Variants in CTNND2 observed in about 807,000 individuals in gnomAD.
CTNND2 encodes the protein catenin delta 2.
CTNND2 carries 22 observed loss-of-function variants against 144.4 expected under a neutral mutation model. The ratio of observed to expected loss-of-function variants is 0.15; its 90% CI spans 0.11 to 0.22. The LOEUF is 0.22. Among genes scored for constraint, CTNND2 ranks in the 10% least tolerant of loss-of-function variants. The pLI, the probability that CTNND2 is intolerant of heterozygous loss-of-function variation, is 1.00. For missense variants in CTNND2, 1,353 were observed against 1,618.8 expected (o/e 0.84, Z 2.82); for synonymous variants, 751 against 695.6 (o/e 1.08, Z -1.25).
chr5:11,676,113 G>A (rs974423712), intron 2 of CTNND2, among the ~76,000 whole-genome samples: 15 of 151,726 alleles, frequency 9.9e-5, no homozygotes, highest in Non-Finnish European at 1.6e-4. Flanking sequence ...TCTGGCAGGT[G>A]TCCCTACACA....
intron 2 of CTNND2, among the ~76,000 whole-genome samples, chr5:11,595,354 T>A (rs534999345): frequency 1.3e-5 from 2 of 152,266 alleles, no homozygotes; most frequent in Middle Eastern, 3.4e-3. Flanking sequence ...AATAGAACCA[T>A]TGGTACTAAG....
chr5:11,152,036 T>C (rs1757795176), intron 12 of CTNND2, among the ~76,000 whole-genome samples: 1 of 152,082 alleles, frequency 6.6e-6, no homozygotes, highest in Non-Finnish European at 1.5e-5. Flanking sequence ...GGCTACAAGA[T>C]AGAAACTTTA....
At chr5:11,782,901 A>G (rs953082253) in intron 1 of CTNND2, among the ~76,000 whole-genome samples, 9 of 152,214 alleles carry the variant, frequency 5.9e-5, no homozygotes, top group African/African-American at 1.9e-4. Context: ...AGTTAGAGCC[A>G]AGTAAGAGAC....
At chr5:11,371,517 A>G (rs930724529) in intron 7 of CTNND2, among the ~76,000 whole-genome samples, 4 of 152,196 alleles carry the variant, frequency 2.6e-5, no homozygotes, top group African/African-American at 9.7e-5. Context: ...GCACATTCAC[A>G]TCCTTCCTTC....
At chr5:11,361,162 T>C (rs1371493737) in intron 8 of CTNND2, among the ~76,000 whole-genome samples, 1 of 152,090 alleles carries the variant, frequency 6.6e-6, no homozygotes, top group African/African-American at 2.4e-5. Context: ...CTGGGATTAC[T>C]GGCGCCTGCC....
At chr5:11,219,127 C>T (rs919412076) in intron 10 of CTNND2, among the ~76,000 whole-genome samples, 1 of 152,184 alleles carries the variant, frequency 6.6e-6, no homozygotes, top group Non-Finnish European at 1.5e-5. Context: ...AACCAATGGC[C>T]ATAAAAGTAG....
At chr5:11,045,375 G>C (rs528247139) in intron 16 of CTNND2, among the ~76,000 whole-genome samples, 7 of 152,156 alleles carry the variant, frequency 4.6e-5, no homozygotes, top group Admixed American at 1.3e-4. Flanking sequence ...AAGAGGGAGG[G>C]GGGGAAGGTG....
chr5:11,155,186 T>G (rs182398643), intron 12 of CTNND2, among the ~76,000 whole-genome samples: 1 of 152,284 alleles, frequency 6.6e-6, no homozygotes, highest in Admixed American at 6.5e-5. Context: ...TCAACACATG[T>G]TTTTGGTTGA....
At chr5:11,018,763 T>G (rs1223379460) in intron 17 of CTNND2, among the ~76,000 whole-genome samples, 1 of 147,200 alleles carries the variant, frequency 6.8e-6, no homozygotes, top group Non-Finnish European at 1.5e-5. Flanking sequence ...TAGGCTGGAG[T>G]GCAGTGGCGA....
intron 2 of CTNND2, among the ~76,000 whole-genome samples, chr5:11,696,634 G>T (rs1348810277): frequency 6.6e-6 from 1 of 152,166 alleles, no homozygotes; most frequent in Non-Finnish European, 1.5e-5. Flanking sequence ...GTAGATGTAA[G>T]AAATGAGCGC....
At chr5:11,224,381 G>C (rs950918164) in intron 10 of CTNND2, among the ~76,000 whole-genome samples, 1 of 152,108 alleles carries the variant, frequency 6.6e-6, no homozygotes, top group Non-Finnish European at 1.5e-5. Context: ...TGTTCACAAA[G>C]GTTGTAGACC....
At chr5:11,207,911 G>A (rs1230833510) in intron 10 of CTNND2, among the ~76,000 whole-genome samples, 1 of 152,104 alleles carries the variant, frequency 6.6e-6, no homozygotes, top group Non-Finnish European at 1.5e-5. Context: ...AAATAAGGAG[G>A]TGAGTCATTT....
chr5:11,218,605 T>TG (rs1229979478), intron 10 of CTNND2, among the ~76,000 whole-genome samples: 2 of 152,228 alleles, frequency 1.3e-5, no homozygotes, highest in African/African-American at 4.8e-5. Flanking sequence ...ATGACAGTAC[T>TG]GTAAGCCCCT....
At chr5:11,451,396 G>A (rs1450360808) in intron 3 of CTNND2, among the ~76,000 whole-genome samples, 1 of 152,126 alleles carries the variant, frequency 6.6e-6, no homozygotes, top group Non-Finnish European at 1.5e-5. Context: ...CCAACTATGT[G>A]TGCCCAAAGA....
intron 3 of CTNND2, among the ~76,000 whole-genome samples, chr5:11,492,231 A>G (rs185384502): frequency 6.6e-6 from 1 of 152,292 alleles, no homozygotes; most frequent in Non-Finnish European, 1.5e-5. Flanking sequence ...GCATGTTCTC[A>G]GAAAAGGTGA....
intron 6 of CTNND2, among the ~76,000 whole-genome samples, chr5:11,394,411 C>T (rs910676521): frequency 1.3e-5 from 2 of 152,086 alleles, no homozygotes; most frequent in Non-Finnish European, 2.9e-5. Context: ...AAGAAGGGGT[C>T]TGTGGAGGGG....
At chr5:11,302,663 A>G (rs1251526591) in intron 9 of CTNND2, among the ~76,000 whole-genome samples, 1 of 152,162 alleles carries the variant, frequency 6.6e-6, no homozygotes, top group Non-Finnish European at 1.5e-5. Flanking sequence ...CAGGTAATGG[A>G]GAAGAAACCA....
rs76581639 is a variant in CTNND2, at chr5:11,493,125, A to T, written c.287+71819T>A. On this transcript the variant is annotated intron_variant, in intron 3 of 21. Coordinates refer to ENST00000304623, the MANE Select transcript of CTNND2 (RefSeq NM_001332.4). ...ACTCTGTCTCAAAATAATAATAATT[A>T]ATCTTTATTCATGCAATTATTCTTA... is the stretch of plus-strand genomic sequence containing the variant. 7.0e-3 allele frequency among the ~76,000 whole-genome samples: 1,073 copies of T among 152,244 alleles called. 6 individuals are homozygous for T. The highest frequency in any genetic ancestry group is 0.012 in the Non-Finnish European group (795 of 68,016).
At chr5:11,440,848 T>C (rs1042757227) in intron 3 of CTNND2, among the ~76,000 whole-genome samples, 1 of 152,228 alleles carries the variant, frequency 6.6e-6, no homozygotes, top group Non-Finnish European at 1.5e-5. Flanking sequence ...GAAGCTCTAT[T>C]ATCCATAAAA....
Sources: gnomAD v4.1 joint callset for allele counts (sites outside exome capture counted in the v4.1 genomes callset) on GRCh38, gnomAD v4.1.1 for gene constraint, MANE v1.5 for transcripts, NCBI Gene and HGNC (gene_info 2026-07-23, HGNC 2026-07-21) for gene names.